Variants in CABLES1 observed in about 807,000 individuals in gnomAD.
CABLES1 encodes the protein CDK5 and ABL1 enzyme substrate 1.
In CABLES1, 36 loss-of-function variants were observed where a neutral mutation model predicts 57.8. The observed-to-expected ratio is 0.62, with a 90% CI of 0.48 to 0.82. The LOEUF is 0.82. CABLES1 is among the 40% of genes least tolerant of loss of function. The pLI is 0.00. For missense variants in CABLES1, 767 were observed against 836.6 expected (o/e 0.92, Z 1.03); for synonymous variants, 374 against 363.0 (o/e 1.03, Z -0.35).
intron 1 of CABLES1, among the ~76,000 whole-genome samples, chr18:23,179,230 G>A (rs903420267): frequency 6.6e-6 from 1 of 152,106 alleles, no homozygotes; most frequent in African/African-American, 2.4e-5. Context: ...AGGTTGCAGT[G>A]AGCCGAGATC....
intron 7 of CABLES1, among the ~76,000 whole-genome samples, chr18:23,246,832 A>G (rs2047906961): frequency 6.6e-6 from 1 of 150,782 alleles, no homozygotes. Flanking sequence ...AGCTGAGGCT[A>G]TAGGCATGCA....
chr18:23,202,489 A>G (rs1284380178), intron 3 of CABLES1, among the ~76,000 whole-genome samples: 1 of 152,248 alleles, frequency 6.6e-6, no homozygotes, highest in Non-Finnish European at 1.5e-5. Flanking sequence ...GAGGAGAGCC[A>G]GTCACCATGG....
At chr18:23,224,241 T>C (rs1325421433) in intron 4 of CABLES1, among the ~76,000 whole-genome samples, 1 of 151,700 alleles carries the variant, frequency 6.6e-6, no homozygotes, top group Non-Finnish European at 1.5e-5. Context: ...AAGTAGCCCA[T>C]TCATCCCCAC....
chr18:23,236,676 C>A (rs780644604), intron 6 of CABLES1, among the ~76,000 whole-genome samples: 1 of 152,204 alleles, frequency 6.6e-6, no homozygotes, highest in Non-Finnish European at 1.5e-5. Context: ...CACCTCTGAT[C>A]GTTCGCAGCT....
Position 23,253,038 on chromosome 18 carries a change from A to G in CABLES1, c.1525A>G (p.Ile509Val), listed in dbSNP as rs1263226746. 1 of 1,613,522 alleles carries G rather than the reference A, an allele frequency of 6.2e-7. No homozygotes were observed. The highest frequency in any genetic ancestry group is 8.5e-7 in the Non-Finnish European group (1 of 1,179,448). ...NETFKEKFPH[I>V]KLTLSKIRSL... ...GACCTTCAAGGAGAAGTTTCCTCAC[A>G]TTAAGCTGACACTCAGCAAAATTAG... The change falls in exon 8 of 10, where the codon ATT becomes GTT. Residue 509 changes from isoleucine to valine, a missense_variant. By Grantham distance (29) the Ile-to-Val change is conservative. Transcript: ENST00000256925.
At chr18:23,246,399 G>T (rs1185736954) in intron 7 of CABLES1, among the ~76,000 whole-genome samples, 2 of 148,980 alleles carry the variant, frequency 1.3e-5, no homozygotes, top group Admixed American at 6.7e-5. Flanking sequence ...TTGTTTTTTG[G>T]TTTTTTTTTT....
At chr18:23,235,710 T>G (rs961275416) in intron 5 of CABLES1, among the ~76,000 whole-genome samples, 185 bp from the exon 6 acceptor site, 2 of 152,214 alleles carry the variant, frequency 1.3e-5, no homozygotes, top group Non-Finnish European at 2.9e-5. Flanking sequence ...TTATGTCAGT[T>G]CAGGTTGGGT....
rs762063341 is a variant in CABLES1, at chr18:23,237,254, C to T, written c.1446+9C>T. ...TCTTCCCTTCCTACATGGTGAGTAG[C>T]GTGGAATGGAGGCTCCGTTTGCTGC... On this transcript the variant is annotated intron_variant, in intron 7 of 9. Coordinates refer to ENST00000256925, the MANE Select transcript of CABLES1 (RefSeq NM_001100619.3). The T allele has an allele frequency of 5.7e-6, 9 of 1,572,454 alleles. No homozygotes were observed. Among genetic ancestry groups the T allele is most frequent in the East Asian group, 2.2e-5 (1 of 44,694 alleles).
intron 7 of CABLES1, among the ~76,000 whole-genome samples, chr18:23,239,411 G>A (rs1481240340): frequency 5.3e-5 from 8 of 152,232 alleles, no homozygotes; most frequent in Non-Finnish European, 1.2e-4. Context: ...TTGATAAAAT[G>A]TGGGAAATCC....
intron 4 of CABLES1, among the ~76,000 whole-genome samples, chr18:23,215,927 TG>T (rs2047438579): frequency 6.6e-6 from 1 of 152,064 alleles, no homozygotes; most frequent in African/African-American, 2.4e-5. Context: ...CTAAATTTTT[TG>T]TATTTTTAGT....
chr18:23,237,294 C>A, intron 7 of CABLES1, 49 bp downstream of exon 7: 1 of 1,326,232 alleles, frequency 7.5e-7, no homozygotes, highest in Non-Finnish European at 1.1e-6. Flanking sequence ...TCAGTTGCCC[C>A]ACCTGGGTTG....
In CABLES1 at chr18:23,160,060, T is replaced by TG. The variant is rs797011426; in HGVS notation, c.845+23455dup. On this transcript the variant is annotated intron_variant, in intron 1 of 9. Coordinates refer to ENST00000256925, the MANE Select transcript of CABLES1 (RefSeq NM_001100619.3). ...AGAACTTTTTTTTTTTTTTTTGAGATGGAGTTTCACTCTGTCACCCAGGTT... is the reference window on the plus strand; with the variant it reads ...AGAACTTTTTTTTTTTTTTTTGAGATGGGAGTTTCACTCTGTCACCCAGGTT... 3.3e-3 allele frequency among the ~76,000 whole-genome samples: 502 copies of TG among 150,840 alleles called. 4 individuals are homozygous for TG. Among genetic ancestry groups the TG allele is most frequent in the African/African-American group, 0.011 (463 of 41,094 alleles).
chr18:23,220,347 A>G (rs1338916210), intron 4 of CABLES1, among the ~76,000 whole-genome samples: 1 of 152,020 alleles, frequency 6.6e-6, no homozygotes, highest in Non-Finnish European at 1.5e-5. Flanking sequence ...ATATGCGCTC[A>G]CTCGTTTCAT....
At chr18:23,156,503 T>C (rs975515325) in intron 1 of CABLES1, among the ~76,000 whole-genome samples, 7 of 152,220 alleles carry the variant, frequency 4.6e-5, no homozygotes, top group African/African-American at 1.7e-4. Flanking sequence ...GAATTTTCAT[T>C]ATACAACTTT....
At chr18:23,161,647 A>G (rs1489265887) in intron 1 of CABLES1, among the ~76,000 whole-genome samples, 2 of 150,932 alleles carry the variant, frequency 1.3e-5, no homozygotes, top group African/African-American at 2.4e-5. Flanking sequence ...GCAGTGGCTC[A>G]TGCCCGTAAT....
chr18:23,246,484 C>T (rs533919994), intron 7 of CABLES1, among the ~76,000 whole-genome samples: 37 of 152,088 alleles, frequency 2.4e-4, no homozygotes, highest in East Asian at 5.8e-4. Context: ...CTCCGCCTCC[C>T]GGGTTCACGC....
At chr18:23,241,827 G>GAA (rs1423906322) in intron 7 of CABLES1, among the ~76,000 whole-genome samples, 3 of 152,178 alleles carry the variant, frequency 2.0e-5, no homozygotes, top group African/African-American at 7.2e-5. Flanking sequence ...CTTAGAGTGG[G>GAA]AAGCTTCCAG....
At chr18:23,155,406 G>A (rs1203631622) in intron 1 of CABLES1, among the ~76,000 whole-genome samples, 1 of 152,190 alleles carries the variant, frequency 6.6e-6, no homozygotes, top group Non-Finnish European at 1.5e-5. Flanking sequence ...TATTTTAGGA[G>A]TTTCTTTTTG....
intron 7 of CABLES1, among the ~76,000 whole-genome samples, chr18:23,240,130 CA>C (rs959713020): frequency 2.0e-5 from 3 of 152,040 alleles, no homozygotes; most frequent in Non-Finnish European, 4.4e-5. Flanking sequence ...CAAAACAAAA[CA>C]AAAACAGCGG....
Sources: allele counts gnomAD v4.1 joint callset (sites outside exome capture counted in the v4.1 genomes callset), GRCh38; gene constraint gnomAD v4.1.1; transcripts MANE v1.5; gene names NCBI Gene and HGNC (gene_info 2026-07-23, HGNC 2026-07-21).